CIAPIN1: variants seen among roughly 807,000 people sequenced by gnomAD.
CIAPIN1 encodes the protein cytokine induced apoptosis inhibitor 1.
A neutral mutation model predicts 34.3 loss-of-function variants in CIAPIN1; 18 were observed. The observed-to-expected ratio is 0.52, with a 90% confidence interval of 0.36 to 0.78. The LOEUF (loss-of-function observed/expected upper bound fraction) is 0.78, where lower values mean the gene tolerates loss of function less well. Among genes scored for constraint, CIAPIN1 ranks in the 30% least tolerant of loss-of-function variants. CIAPIN1 has a pLI of 0.00. For synonymous variants in CIAPIN1, 131 were observed against 140.4 expected, an observed-to-expected ratio of 0.93 and a Z score of 0.47; for missense variants, 310 against 372.5, an observed-to-expected ratio of 0.83 and a Z score of 1.38.
intron 8 of CIAPIN1, among the ~76,000 whole-genome samples, 180 bp from the exon 9 acceptor site, chr16:57,429,460 T>C (rs1197242499): frequency 2.0e-5 from 3 of 152,180 alleles, no homozygotes; most frequent in African/African-American, 7.2e-5. Context: ...TGAAAAACTA[T>C]AGTCATGAAA....
At position 57,432,547 on chromosome 16, in the gene CIAPIN1, C is replaced by T. The variant is rs746837059; in HGVS notation, c.570G>A (p.Val190=). ...KKSSPSVKPA[V]DPAAAKLWTL... ...TCCACAGCTTGGCAGCAGCAGGGTC[C>T]ACAGCAGGTTTCACTGAGTCCAAGC... The change falls in exon 6 of 9, where the codon GTG becomes GTA. Residue 190 remains valine (V), a synonymous_variant. Transcript: ENST00000394391. 6.2e-7 allele frequency: 1 copy of T among 1,612,776 alleles called. No individual in the cohort carries two copies. Among genetic ancestry groups the T allele is most frequent in the African/African-American group, 1.3e-5 (1 of 74,986 alleles).
intron 1 of CIAPIN1, among the ~76,000 whole-genome samples, chr16:57,443,516 G>A (rs1213832705): frequency 6.6e-6 from 1 of 152,142 alleles, no homozygotes; most frequent in African/African-American, 2.4e-5. Context: ...GGAATGCAGT[G>A]GCACAATCTC....
chr16:57,431,145 A>T lies in CIAPIN1; in HGVS notation c.746+6T>A. 6.3e-7 allele frequency: 1 copy of T among 1,589,344 alleles called. No individual in the cohort carries two copies. The highest frequency in any genetic ancestry group is 8.6e-7 in the Non-Finnish European group (1 of 1,158,742). ...CATGGCAGGCTCCAGTCACCCCAGC[A>T]CTCACCAGTTCTTACAGGCCTTCCT... On this transcript the variant is annotated splice_donor_region_variant and intron_variant, in intron 7 of 8. Coordinates refer to ENST00000394391, the MANE Select transcript of CIAPIN1 (RefSeq NM_020313.4).
intron 1 of CIAPIN1, 145 bp from the exon 2 acceptor site, chr16:57,441,128 C>T: frequency 2.4e-6 from 1 of 418,030 alleles, no homozygotes; most frequent in Non-Finnish European, 4.2e-6. Flanking sequence ...ATACATGAAC[C>T]CCATTATCTC....
intron 4 of CIAPIN1, among the ~76,000 whole-genome samples, chr16:57,435,748 C>G (rs1487660572): frequency 2.6e-5 from 4 of 152,084 alleles, no homozygotes; most frequent in Non-Finnish European, 1.5e-5. Context: ...AAGCAGAGAT[C>G]GTGTCACTGC....
intron 3 of CIAPIN1, among the ~76,000 whole-genome samples, chr16:57,437,746 G>A (rs900754260): frequency 6.4e-4 from 98 of 151,960 alleles, no homozygotes; most frequent in African/African-American, 2.2e-3. Context: ...GGCTGGTCTC[G>A]AACTCCTGGA....
intron 4 of CIAPIN1, among the ~76,000 whole-genome samples, chr16:57,436,169 G>C (rs1020350773): frequency 2.0e-5 from 3 of 152,196 alleles, no homozygotes; most frequent in African/African-American, 7.2e-5. Context: ...ACAAGCCCCA[G>C]CCCACATGGG....
chr16:57,430,903 G>A (rs1262835008), intron 7 of CIAPIN1, among the ~76,000 whole-genome samples: 1 of 152,130 alleles, frequency 6.6e-6, no homozygotes, highest in Non-Finnish European at 1.5e-5. Context: ...CACAATTACG[G>A]CTCACTGCAG....
chr16:57,429,326 A>G (rs756160900), intron 8 of CIAPIN1, 46 bp from the exon 9 acceptor site: 41 of 1,310,360 alleles, frequency 3.1e-5, no homozygotes, highest in Non-Finnish European at 3.8e-5. Context: ...TATCCCAGGC[A>G]TACCAGCCAG....
At chr16:57,432,672 G>A in intron 5 of CIAPIN1, 112 bp from the exon 6 acceptor site, 2 of 988,732 alleles carry the variant, frequency 2.0e-6, no homozygotes, top group South Asian at 3.2e-5. Context: ...GGCCTGGGAG[G>A]CAGAAGATGT....
intron 6 of CIAPIN1, chr16:57,431,474 G>C (rs535717710): frequency 1.6e-5 from 7 of 439,142 alleles, no homozygotes; most frequent in Non-Finnish European, 2.9e-5. Flanking sequence ...AGATGCACTA[G>C]GATGCAAAGG....
At chr16:57,441,782 T>A (rs183113453) in intron 1 of CIAPIN1, among the ~76,000 whole-genome samples, 161 of 152,318 alleles carry the variant, frequency 1.1e-3, no homozygotes, top group African/African-American at 3.7e-3. Context: ...GATACTTAGG[T>A]GAGTATATAA....
chr16:57,430,186 T>C, intron 8 of CIAPIN1, 72 bp downstream of exon 8: 3 of 1,266,610 alleles, frequency 2.4e-6, no homozygotes, highest in Non-Finnish European at 3.5e-6. Flanking sequence ...GGAGCTTGTC[T>C]GTGTTTAGTT....
At chr16:57,437,086 C>T (rs1482977477) in intron 3 of CIAPIN1, among the ~76,000 whole-genome samples, 1 of 152,098 alleles carries the variant, frequency 6.6e-6, no homozygotes, top group Admixed American at 6.5e-5. Context: ...GAGATTGCAC[C>T]ACTGCACTCT....
chr16:57,431,036 C>T, intron 7 of CIAPIN1, 115 bp downstream of exon 7: 1 of 610,568 alleles, frequency 1.6e-6, no homozygotes, highest in Non-Finnish European at 2.9e-6. Flanking sequence ...GAGATGGTCT[C>T]CCTGTGTTGC....
chr16:57,438,159 C>G (rs1387674177), intron 3 of CIAPIN1, among the ~76,000 whole-genome samples: 3 of 152,136 alleles, frequency 2.0e-5, no homozygotes, highest in Non-Finnish European at 4.4e-5. Context: ...ACAATGAACA[C>G]CTTTATACAT....
chr16:57,432,177 G>T (rs931063809), intron 6 of CIAPIN1, among the ~76,000 whole-genome samples: 4 of 152,192 alleles, frequency 2.6e-5, no homozygotes. Context: ...GGCCAGGTGT[G>T]GTGGCACATG....
intron 3 of CIAPIN1, among the ~76,000 whole-genome samples, chr16:57,437,867 C>T (rs1427959990): frequency 6.6e-6 from 1 of 152,072 alleles, no homozygotes; most frequent in Non-Finnish European, 1.5e-5. Context: ...TTTTGTTGTT[C>T]GAAGTGTTTT....
At chr16:57,429,869 T>G (rs1903047858) in intron 8 of CIAPIN1, among the ~76,000 whole-genome samples, 1 of 149,602 alleles carries the variant, frequency 6.7e-6, no homozygotes, top group Non-Finnish European at 1.5e-5. Flanking sequence ...TCACTCCACC[T>G]CCCAGGTTCA....
Sources: allele counts gnomAD v4.1 joint callset (sites outside exome capture counted in the v4.1 genomes callset), GRCh38; gene constraint gnomAD v4.1.1; transcripts MANE v1.5; gene names NCBI Gene and HGNC (gene_info 2026-07-23, HGNC 2026-07-21).